The following CUX2 variants were observed in gnomAD, a reference collection of about 807,000 sequenced individuals.
The protein encoded by CUX2 is cut like homeobox 2, also known as homeobox protein cut-like 2.
A neutral mutation model predicts 144.8 loss-of-function variants in CUX2; 40 were observed. The ratio of observed to expected loss-of-function variants is 0.28; its 90% confidence interval spans 0.21 to 0.36. CUX2 has a LOEUF of 0.36. Ranked by LOEUF, CUX2 falls within the 10% of genes least tolerant of loss-of-function variation. CUX2 has a pLI of 1.00. For missense variants in CUX2, 1,615 were observed against 1,994.0 expected (o/e 0.81, Z 3.62); for synonymous variants, 827 against 875.6 (o/e 0.94, Z 0.98).
At chr12:111,121,051 C>T (rs1243146269) in intron 1 of CUX2, among the ~76,000 whole-genome samples, 4 of 148,446 alleles carry the variant, frequency 2.7e-5, no homozygotes, top group Non-Finnish European at 4.4e-5. Context: ...GCTGCATCGA[C>T]GCTGGTAGTT....
chr12:111,188,253 A>T (rs981178220), intron 1 of CUX2, among the ~76,000 whole-genome samples: 2 of 152,262 alleles, frequency 1.3e-5, no homozygotes, highest in African/African-American at 4.8e-5. Flanking sequence ...AACATCAGAA[A>T]TCAAGAGCAG....
chr12:111,168,709 A>C (rs562104456), intron 1 of CUX2, among the ~76,000 whole-genome samples: 3 of 152,350 alleles, frequency 2.0e-5, no homozygotes, highest in African/African-American at 7.2e-5. Context: ...TGTGATATGA[A>C]AGTTACTAAT....
At chr12:111,244,962 G>A (rs1031376892) in intron 3 of CUX2, among the ~76,000 whole-genome samples, 1 of 152,138 alleles carries the variant, frequency 6.6e-6, no homozygotes, top group Non-Finnish European at 1.5e-5. Context: ...GCCATCCTGG[G>A]CTCTTAGCTG....
intron 1 of CUX2, among the ~76,000 whole-genome samples, chr12:111,155,923 TAAAAAAA>T (rs61020614): frequency 6.9e-6 from 1 of 144,528 alleles, no homozygotes; most frequent in African/African-American, 2.5e-5. Flanking sequence ...GCTTAAAAAA[TAAAAAAA>T]AAAAATAAAA....
chr12:111,243,475 C>G (rs892836283), intron 3 of CUX2, among the ~76,000 whole-genome samples: 4 of 135,234 alleles, frequency 3.0e-5, no homozygotes, highest in African/African-American at 1.1e-4. Flanking sequence ...TAGGTTCACA[C>G]ATTATGATTG....
At chr12:111,337,752 T>C (rs1358788276) in intron 19 of CUX2, among the ~76,000 whole-genome samples, 1 of 152,194 alleles carries the variant, frequency 6.6e-6, no homozygotes, top group African/African-American at 2.4e-5. Context: ...AAAGCACTTT[T>C]GGGCCAGGCC....
intron 16 of CUX2, among the ~76,000 whole-genome samples, chr12:111,313,753 T>C (rs1481908267): frequency 1.3e-5 from 2 of 152,112 alleles, no homozygotes; most frequent in Non-Finnish European, 2.9e-5. Context: ...ACAGCAAATA[T>C]TATCATTATT....
Position 111,322,725 on chromosome 12 carries a change from A to G in CUX2, c.2926+145A>G, listed in dbSNP as rs1887597307. 9.3e-7 allele frequency: 1 copy of G among 1,079,164 alleles called. No individual in the cohort carries two copies. The allele number at this position is 1,079,164 out of a possible 1,614,324, so 66.8% of individuals were successfully genotyped here. A position where few individuals can be genotyped will look rare whatever the true frequency, so the allele number is the denominator to read the frequency against. ...TCATCCCAGTCACTGTCATGGCTGC[A>G]CTGGAACATGGCGGGGGGTCCTGGG... On this transcript the variant is annotated intron_variant, in intron 18 of 21. Transcript: ENST00000261726. The surrounding 1 kb of genome is among the most constrained non-coding windows in gnomAD (Gnocchi z 4.2).
At chr12:111,306,184 T>TG (rs1459029934) in intron 10 of CUX2, among the ~76,000 whole-genome samples, 3 of 152,138 alleles carry the variant, frequency 2.0e-5, no homozygotes, top group Admixed American at 6.5e-5. Context: ...TTTGCTGGTT[T>TG]GGGGGGTGTG....
chr12:111,037,955 T>C lies in CUX2; in HGVS notation c.63+3715T>C, dbSNP rs112685583. Among the ~76,000 whole-genome samples, 1,000 of 152,234 alleles carry C rather than the reference T, an allele frequency of 6.6e-3. 9 individuals are homozygous for C. Among genetic ancestry groups the C allele is most frequent in the Non-Finnish European group, 0.012 (800 of 68,004 alleles). On this transcript the variant is annotated intron_variant, in intron 1 of 21. Coordinates refer to ENST00000261726, the MANE Select transcript of CUX2 (RefSeq NM_015267.4). The surrounding 1 kb of genome is among the most constrained non-coding windows in gnomAD (Gnocchi z 5.4). ...AAGGAGCTTGGTCAATAGGATTACA[T>C]AGTACTAATCTGGGAGGAAGGGGCA...
At chr12:111,075,658 T>C (rs1446940155) in intron 1 of CUX2, among the ~76,000 whole-genome samples, 1 of 152,152 alleles carries the variant, frequency 6.6e-6, no homozygotes, top group Non-Finnish European at 1.5e-5. Context: ...TTTTACTTAT[T>C]TGGGCGCTTA....
At chr12:111,094,461 C>T (rs965686035) in intron 1 of CUX2, among the ~76,000 whole-genome samples, 1 of 152,236 alleles carries the variant, frequency 6.6e-6, no homozygotes, top group African/African-American at 2.4e-5. Context: ...GTGTCTTCCC[C>T]CTGTGCCCCG....
At chr12:111,074,367 TA>T (rs1246654356) in intron 1 of CUX2, among the ~76,000 whole-genome samples, 5 of 152,114 alleles carry the variant, frequency 3.3e-5, no homozygotes, top group African/African-American at 1.2e-4. Context: ...GCCAAAGACG[TA>T]GGGTAAACAC....
intron 3 of CUX2, among the ~76,000 whole-genome samples, chr12:111,243,168 A>C (rs1319870448): frequency 1.3e-5 from 2 of 152,208 alleles, no homozygotes; most frequent in Non-Finnish European, 2.9e-5. Flanking sequence ...ATACAAAAGT[A>C]AAGAGAATAA....
chr12:111,220,979 A>G lies in CUX2; in HGVS notation c.222+3042A>G, dbSNP rs1881828102. Reference sequence around the variant, plus strand: ...AAAAAAAAGGAAAAAGGATTCAAACACTTCAGCAGCATGGAGGCAGTCCCA... The same window carrying G: ...AAAAAAAAGGAAAAAGGATTCAAACGCTTCAGCAGCATGGAGGCAGTCCCA... On this transcript the variant is annotated intron_variant, in intron 3 of 21. Coordinates refer to ENST00000261726, the MANE Select transcript of CUX2 (RefSeq NM_015267.4). Among the ~76,000 whole-genome samples the G allele has an allele frequency of 5.3e-5, 8 of 150,408 alleles. No homozygotes were observed. The South Asian group carries it at 1.5e-3, about 28-fold the overall frequency.
At chr12:111,203,925 AC>A (rs1880763577) in intron 1 of CUX2, among the ~76,000 whole-genome samples, 1 of 152,210 alleles carries the variant, frequency 6.6e-6, no homozygotes, top group Non-Finnish European at 1.5e-5. Context: ...GCCTGATGAT[AC>A]CTAAGGCAGG....
At position 111,171,974 on chromosome 12, in the gene CUX2, CCTG is replaced by C. The variant is rs1023386416; in HGVS notation, c.64-42225_64-42223del. ...GTGTGTGTGCGTGCATGTGCATGCACCTGTGTGTGTGTGCATGTGCCTGTGTGT... is the reference window on the plus strand; with the variant it reads ...GTGTGTGTGCGTGCATGTGCATGCACTGTGTGTGTGCATGTGCCTGTGTGT... On this transcript the variant is annotated intron_variant, in intron 1 of 21. Transcript: ENST00000261726. The surrounding 1 kb of genome is among the most constrained non-coding windows in gnomAD (Gnocchi z 5.0). 5.9e-4 allele frequency among the ~76,000 whole-genome samples: 89 copies of C among 151,386 alleles called. No individual in the cohort carries two copies. The highest frequency in any genetic ancestry group is 2.0e-3 in the African/African-American group (84 of 41,070).
Position 111,304,521 on chromosome 12 carries a change from G to A in CUX2, c.858+207G>A, listed in dbSNP as rs945494842. Among the ~76,000 whole-genome samples the A allele has an allele frequency of 3.3e-5, 5 of 152,258 alleles. No homozygotes were observed. The highest frequency in any genetic ancestry group is 1.2e-4 in the African/African-American group (5 of 41,558). ...TACACCAGCTGAGGATAAAAATACA[G>A]CTACAGTTCTTTACTTTTCAAGCCC... On this transcript the variant is annotated intron_variant, in intron 10 of 21. Coordinates refer to ENST00000261726, the MANE Select transcript of CUX2 (RefSeq NM_015267.4). This position sits in a 1 kb window ranked among gnomAD's most constrained non-coding sequence, Gnocchi z 4.7.
chr12:111,299,468 T>A (rs1886177223), intron 9 of CUX2, among the ~76,000 whole-genome samples: 1 of 152,030 alleles, frequency 6.6e-6, no homozygotes, highest in Non-Finnish European at 1.5e-5. Flanking sequence ...TGATTCTATG[T>A]CCCTGGGAAG....
Sources: gnomAD v4.1 joint callset for allele counts (sites outside exome capture counted in the v4.1 genomes callset) on GRCh38, gnomAD v4.1.1 for gene constraint, Gnocchi (gnomAD v3.1) non-coding constraint, MANE v1.5 for transcripts, NCBI Gene and HGNC (gene_info 2026-07-23, HGNC 2026-07-21) for gene names.